Variants in SAMMSON observed in about 807,000 individuals in gnomAD.
SAMMSON encodes survival associated mitochondrial melanoma specific oncogenic non-coding RNA.
intron 4 of SAMMSON, among the ~76,000 whole-genome samples, chr3:70,096,407 G>A (rs918590184): frequency 3.9e-5 from 6 of 152,126 alleles, no homozygotes; most frequent in Admixed American, 1.3e-4. Flanking sequence ...AGCTTGGTGC[G>A]GTGGCGCATA....
At position 70,131,513 on chromosome 3, in the gene SAMMSON, T is replaced by C. The variant is rs79086132; in HGVS notation, n.507+59948T>C. Among the ~76,000 whole-genome samples, 819 of 152,310 alleles carry C rather than the reference T, an allele frequency of 5.4e-3. 10 individuals are homozygous for C. The highest frequency in any genetic ancestry group is 0.019 in the African/African-American group (780 of 41,568). On this transcript the variant is annotated intron_variant and non_coding_transcript_variant, in intron 4 of 9. Transcript: ENST00000642114. ...TACTGGGAAGTTGCCTTCATGTCCATTATTTTCTTCTCTTATTTATCTTAC... is the reference window on the plus strand; with the variant it reads ...TACTGGGAAGTTGCCTTCATGTCCACTATTTTCTTCTCTTATTTATCTTAC...
intron 4 of SAMMSON, among the ~76,000 whole-genome samples, chr3:70,173,304 G>A (rs899963117): frequency 4.6e-5 from 7 of 151,908 alleles, no homozygotes; most frequent in African/African-American, 1.7e-4. Context: ...AGGACCCGTG[G>A]GATGTGCTGC....
chr3:70,052,064 T>A (rs566983040), intron 3 of SAMMSON, among the ~76,000 whole-genome samples: 2 of 152,104 alleles, frequency 1.3e-5, no homozygotes, highest in East Asian at 3.9e-4. Flanking sequence ...CACCACTGCA[T>A]GCCAGCCTGG....
chr3:70,099,272 C>G (rs1370219858), intron 4 of SAMMSON, among the ~76,000 whole-genome samples: 1 of 152,166 alleles, frequency 6.6e-6, no homozygotes, highest in Non-Finnish European at 1.5e-5. Context: ...GCGTTTTAAA[C>G]TTTTATTGAC....
At chr3:70,219,717 C>T (rs760727563) in intron 4 of SAMMSON, among the ~76,000 whole-genome samples, 1 of 152,138 alleles carries the variant, frequency 6.6e-6, no homozygotes, top group Non-Finnish European at 1.5e-5. Context: ...AGAATTGACA[C>T]TGCAGAAAAT....
At chr3:70,234,177 T>C (rs1032616788) in intron 4 of SAMMSON, among the ~76,000 whole-genome samples, 10 of 152,204 alleles carry the variant, frequency 6.6e-5, no homozygotes, top group African/African-American at 1.9e-4. Flanking sequence ...GACTTAGGAT[T>C]GGGTATGAGA....
intron 4 of SAMMSON, among the ~76,000 whole-genome samples, chr3:70,247,040 G>A (rs1032880818): frequency 1.3e-5 from 2 of 151,892 alleles, no homozygotes; most frequent in Non-Finnish European, 2.9e-5. Context: ...TACCACGAAG[G>A]ATAGTTATTT....
intron 4 of SAMMSON, among the ~76,000 whole-genome samples, chr3:70,142,970 G>C (rs2067534061): frequency 6.6e-6 from 1 of 152,118 alleles, no homozygotes; most frequent in Non-Finnish European, 1.5e-5. Flanking sequence ...TTGTGATCAA[G>C]TGATGATAAA....
In SAMMSON at chr3:70,400,263, C is replaced by T. The variant is rs150745889; in HGVS notation, n.233+41939C>T. Among the ~76,000 whole-genome samples, 25 of 152,024 alleles carry T rather than the reference C, an allele frequency of 1.6e-4. No homozygotes were observed. In the East Asian group the frequency reaches 4.9e-3, roughly 30 times the overall value. On this transcript the variant is annotated intron_variant and non_coding_transcript_variant, in intron 2 of 3. Coordinates refer to the SAMMSON transcript ENST00000641053. ...AACAAAATTGATGTTGAATTTTGAC[C>T]CTGAAGATATTAGAAGATGGGGCCT... is the stretch of plus-strand genomic sequence containing the variant.
At chr3:70,045,898 A>T (rs1234753849) in intron 3 of SAMMSON, among the ~76,000 whole-genome samples, 1 of 152,066 alleles carries the variant, frequency 6.6e-6, no homozygotes, top group Non-Finnish European at 1.5e-5. Flanking sequence ...AGTTTCCTTA[A>T]CTAAAGATAA....
chr3:70,040,703 G>T lies in SAMMSON; in HGVS notation n.417+27031G>T, dbSNP rs570970801. Among the ~76,000 whole-genome samples the T allele has an allele frequency of 3.9e-5, 6 of 152,232 alleles. No individual in the cohort carries two copies. The South Asian group carries it at 8.3e-4, about 21-fold the overall frequency. On this transcript the variant is annotated intron_variant and non_coding_transcript_variant, in intron 3 of 9. Coordinates refer to ENST00000642114, the Ensembl canonical transcript of SAMMSON. ...GAGGGGCACTTGGCCATTGCATCTTGAATCCAATGTGTCCAGTGAGCCTCA... is the reference window on the plus strand; with the variant it reads ...GAGGGGCACTTGGCCATTGCATCTTTAATCCAATGTGTCCAGTGAGCCTCA...
chr3:70,058,277 G>T (rs1177983217), intron 3 of SAMMSON, among the ~76,000 whole-genome samples: 1 of 151,878 alleles, frequency 6.6e-6, no homozygotes, highest in African/African-American at 2.4e-5. Flanking sequence ...ATTAGAATGG[G>T]CACTGACCTC....
intron 4 of SAMMSON, chr3:70,126,253 AC>A (rs1338159160): frequency 2.0e-6 from 2 of 994,558 alleles, no homozygotes; most frequent in Non-Finnish European, 3.0e-6. Flanking sequence ...GGGTCATCAG[AC>A]CTTTTTTTTT....
intron 2 of SAMMSON, among the ~76,000 whole-genome samples, chr3:70,421,519 C>A (rs1444060547): frequency 6.6e-6 from 1 of 152,024 alleles, no homozygotes; most frequent in Non-Finnish European, 1.5e-5. Context: ...CTAATCAGGT[C>A]TGAAAGCAAT....
chr3:70,284,799 A>G (rs532397177), intron 6 of SAMMSON, among the ~76,000 whole-genome samples: 8 of 152,076 alleles, frequency 5.3e-5, no homozygotes, highest in Non-Finnish European at 1.2e-4. Flanking sequence ...AATGGGTACT[A>G]GTCTTAAAAC....
intron 4 of SAMMSON, among the ~76,000 whole-genome samples, chr3:70,203,599 A>T (rs917079120): frequency 2.0e-5 from 3 of 152,182 alleles, no homozygotes; most frequent in Non-Finnish European, 4.4e-5. Context: ...TAATTATAAA[A>T]TTGAAACATT....
chr3:70,095,798 A>G (rs2067321046), intron 4 of SAMMSON, among the ~76,000 whole-genome samples: 1 of 152,212 alleles, frequency 6.6e-6, no homozygotes, highest in Non-Finnish European at 1.5e-5. Flanking sequence ...GTTAACTATA[A>G]TATGTCAGTG....
chr3:70,308,782 A>G (rs1207940616), intron 7 of SAMMSON, among the ~76,000 whole-genome samples: 3 of 152,120 alleles, frequency 2.0e-5, no homozygotes, highest in Non-Finnish European at 4.4e-5. Flanking sequence ...AGAAGTTAGA[A>G]ATAATAGCAG....
downstream of SAMMSON, among the ~76,000 whole-genome samples, chr3:70,390,211 C>G (rs1187154350): frequency 6.6e-6 from 1 of 152,024 alleles, no homozygotes. Flanking sequence ...ATTAAAATAA[C>G]CACTTTACAG....
Sources: gnomAD v4.1 joint callset for allele counts (sites outside exome capture counted in the v4.1 genomes callset) on GRCh38, gnomAD v4.1.1 for gene constraint, MANE v1.5 for transcripts, NCBI Gene and HGNC (gene_info 2026-07-23, HGNC 2026-07-21) for gene names.